The following PPM1H variants were observed in gnomAD, a reference collection of about 807,000 sequenced individuals.
PPM1H encodes protein phosphatase, Mg2+/Mn2+ dependent 1H.
PPM1H carries 27 observed loss-of-function variants against 54.9 expected under a neutral mutation model. The ratio of observed to expected loss-of-function variants is 0.49; its 90% CI spans 0.36 to 0.68. The LOEUF (loss-of-function observed/expected upper bound fraction) is 0.68. Ranked by LOEUF, PPM1H falls within the 30% of genes least tolerant of loss-of-function variation. PPM1H has a pLI of 0.00. For synonymous variants in PPM1H, 305 were observed against 270.8 expected (o/e 1.13, Z -1.24); for missense variants, 596 against 667.8 (o/e 0.89, Z 1.19).
At position 62,934,712 on chromosome 12, in the gene PPM1H, C is replaced by G. The variant is rs762713478; in HGVS notation, c.25G>C (p.Val9Leu). 1 of 1,604,408 alleles carries G rather than the reference C, an allele frequency of 6.2e-7. No homozygotes were observed. Among genetic ancestry groups the G allele is most frequent in the Non-Finnish European group, 8.5e-7 (1 of 1,174,826 alleles). MLTRVKSAVANFMGGIMAG... is the reference protein window; with the variant it reads MLTRVKSALANFMGGIMAG... ...ATGATGCCGCCCATGAAATTGGCCA[C>G]GGCAGATTTCACTCGAGTGAGCATA... Residue 9 changes from valine to leucine, a missense_variant, in exon 1 of 10, where the codon GTG (valine) becomes CTG (leucine). Coordinates refer to ENST00000228705, the MANE Select transcript of PPM1H (RefSeq NM_020700.2). This position sits in a 1 kb window ranked among gnomAD's most constrained non-coding sequence, Gnocchi z 4.2.
intron 1 of PPM1H, among the ~76,000 whole-genome samples, chr12:62,859,848 G>A (rs2120965947): frequency 6.6e-6 from 1 of 152,276 alleles, no homozygotes; most frequent in South Asian, 2.1e-4. Context: ...AATTTCCTCA[G>A]TAGGCTTCTC....
chr12:62,820,214 C>T (rs186226316), intron 2 of PPM1H, among the ~76,000 whole-genome samples: 2 of 152,374 alleles, frequency 1.3e-5, no homozygotes, highest in South Asian at 2.1e-4. Context: ...GCGTCTGCCA[C>T]TGCTGAAGCT....
At chr12:62,826,177 C>T (rs1338654290) in intron 2 of PPM1H, among the ~76,000 whole-genome samples, 1 of 152,176 alleles carries the variant, frequency 6.6e-6, no homozygotes, top group African/African-American at 2.4e-5. Context: ...TCGCTGGGTG[C>T]AGTGGCTCAC....
chr12:62,773,240 T>C (rs2076589876), intron 4 of PPM1H, among the ~76,000 whole-genome samples: 1 of 152,112 alleles, frequency 6.6e-6, no homozygotes, highest in Non-Finnish European at 1.5e-5. Context: ...TTTGGAAGGC[T>C]GAGGTGGGAG....
At chr12:62,840,991 G>A (rs934277915) in intron 1 of PPM1H, among the ~76,000 whole-genome samples, 9 of 150,690 alleles carry the variant, frequency 6.0e-5, no homozygotes, top group East Asian at 2.0e-4. Flanking sequence ...GAGAGTAGGC[G>A]AATGAACCGA....
At chr12:62,806,442 T>C (rs113857805) in intron 2 of PPM1H, among the ~76,000 whole-genome samples, 181 of 152,322 alleles carry the variant, frequency 1.2e-3, no homozygotes, top group Non-Finnish European at 2.2e-3. Flanking sequence ...CTGATCTTAA[T>C]AGTCCAGTGG....
chr12:62,775,567 G>A (rs1448735994), intron 4 of PPM1H, among the ~76,000 whole-genome samples: 1 of 152,224 alleles, frequency 6.6e-6, no homozygotes. Flanking sequence ...GCCTTGGTAG[G>A]CAAGATGGAA....
At chr12:62,716,640 C>A (rs977267550) in intron 6 of PPM1H, among the ~76,000 whole-genome samples, 1 of 152,198 alleles carries the variant, frequency 6.6e-6, no homozygotes, top group African/African-American at 2.4e-5. Context: ...AATCCTTCCA[C>A]CTCAGCCTCC....
At chr12:62,714,587 C>T (rs994830445) in intron 6 of PPM1H, among the ~76,000 whole-genome samples, 5 of 152,078 alleles carry the variant, frequency 3.3e-5, no homozygotes, top group East Asian at 1.9e-4. Context: ...CTTAGAGGTT[C>T]GCAGCAATGG....
chr12:62,847,091 T>C (rs1869000616), intron 1 of PPM1H, among the ~76,000 whole-genome samples: 1 of 152,044 alleles, frequency 6.6e-6, no homozygotes, highest in African/African-American at 2.4e-5. Flanking sequence ...GGCCACCTGA[T>C]CTCTGAGCTG....
intron 2 of PPM1H, among the ~76,000 whole-genome samples, chr12:62,816,363 C>T (rs758748229): frequency 1.8e-4 from 27 of 152,174 alleles, no homozygotes; most frequent in Non-Finnish European, 3.4e-4. Context: ...CTTTTGAGCA[C>T]GGACGTGACA....
At chr12:62,879,402 C>A (rs1291943681) in intron 1 of PPM1H, among the ~76,000 whole-genome samples, 1 of 152,146 alleles carries the variant, frequency 6.6e-6, no homozygotes, top group Non-Finnish European at 1.5e-5. Flanking sequence ...GAAAATATGG[C>A]ACATATATAC....
At chr12:62,834,173 C>T (rs1263016271) in intron 1 of PPM1H, among the ~76,000 whole-genome samples, 1 of 152,078 alleles carries the variant, frequency 6.6e-6, no homozygotes, top group African/African-American at 2.4e-5. Context: ...TGTCCTGGGG[C>T]TTGTCAAATT....
At chr12:62,878,854 G>A (rs1017723607) in intron 1 of PPM1H, among the ~76,000 whole-genome samples, 5 of 152,106 alleles carry the variant, frequency 3.3e-5, no homozygotes, top group African/African-American at 1.2e-4. Flanking sequence ...GCAGGAGAAT[G>A]GCTTGAATCC....
intron 8 of PPM1H, among the ~76,000 whole-genome samples, chr12:62,668,943 A>G (rs751816780): frequency 6.6e-5 from 10 of 152,236 alleles, no homozygotes; most frequent in Non-Finnish European, 1.0e-4. Context: ...GTTTACCCAC[A>G]GGGCCCTGGG....
At chr12:62,748,287 C>T (rs1456759054) in intron 4 of PPM1H, among the ~76,000 whole-genome samples, 1 of 151,946 alleles carries the variant, frequency 6.6e-6, no homozygotes, top group Non-Finnish European at 1.5e-5. Context: ...AGACAAAGGG[C>T]AGCGATCAAG....
At chr12:62,769,879 T>C (rs2076567950) in intron 4 of PPM1H, among the ~76,000 whole-genome samples, 1 of 152,130 alleles carries the variant, frequency 6.6e-6, no homozygotes, top group African/African-American at 2.4e-5. Context: ...GAGGGTATGG[T>C]AACCCACATG....
At chr12:62,784,518 TG>T (rs1565787577) in intron 4 of PPM1H, among the ~76,000 whole-genome samples, 1 of 152,110 alleles carries the variant, frequency 6.6e-6, no homozygotes, top group Non-Finnish European at 1.5e-5. Flanking sequence ...CTCTCGAAAC[TG>T]TCAAGATGTA....
chr12:62,693,279 C>A (rs1440679519), intron 7 of PPM1H, among the ~76,000 whole-genome samples: 1 of 152,198 alleles, frequency 6.6e-6, no homozygotes, highest in Non-Finnish European at 1.5e-5. Context: ...CGACAACGTG[C>A]TGTTCAGTGC....
Sources: allele counts gnomAD v4.1 joint callset (sites outside exome capture counted in the v4.1 genomes callset), GRCh38; gene constraint gnomAD v4.1.1; non-coding constraint Gnocchi (gnomAD v3.1); transcripts MANE v1.5; gene names NCBI Gene and HGNC (gene_info 2026-07-23, HGNC 2026-07-21).